The following PAK2 variants were observed in gnomAD, a reference collection of about 807,000 sequenced individuals.
PAK2 encodes p21 (RAC1) activated kinase 2.
In PAK2, 21 loss-of-function variants were observed where a neutral mutation model predicts 65.9. That is an observed-to-expected ratio of 0.32 (90% CI 0.23 to 0.46). PAK2 has a LOEUF of 0.46. Among genes scored for constraint, PAK2 ranks in the 20% least tolerant of loss-of-function variants. PAK2 has a pLI of 1.00. For missense variants in PAK2, 324 were observed against 642.6 expected (o/e 0.50, Z 5.36); for synonymous variants, 204 against 219.7 (o/e 0.93, Z 0.63).
At chr3:196,800,696 A>G (rs1465189187) in intron 2 of PAK2, among the ~76,000 whole-genome samples, 1 of 152,216 alleles carries the variant, frequency 6.6e-6, no homozygotes, top group East Asian at 1.9e-4. Context: ...TCACACGTGT[A>G]CAGACAATTG....
intron 2 of PAK2, among the ~76,000 whole-genome samples, chr3:196,797,070 A>G (rs911880439): frequency 2.0e-5 from 3 of 150,906 alleles, no homozygotes; most frequent in Non-Finnish European, 4.4e-5. Flanking sequence ...GAACGTAACT[A>G]TCAGCCAACT....
chr3:196,783,689 C>T (rs1257084409), intron 2 of PAK2, among the ~76,000 whole-genome samples: 3 of 152,102 alleles, frequency 2.0e-5, no homozygotes, highest in Admixed American at 6.6e-5. Context: ...ATCTGCTATA[C>T]CCCATCCTAA....
At chr3:196,807,291 C>T (rs1253396085) in intron 6 of PAK2, among the ~76,000 whole-genome samples, 1 of 152,140 alleles carries the variant, frequency 6.6e-6, no homozygotes, top group Non-Finnish European at 1.5e-5. Context: ...AGGAGACAGC[C>T]TCTGGATGCC....
intron 1 of PAK2, among the ~76,000 whole-genome samples, chr3:196,760,245 G>GT: frequency 6.6e-6 from 1 of 151,886 alleles, no homozygotes; most frequent in East Asian, 1.9e-4. Flanking sequence ...GTTATTTTCA[G>GT]TTTTTTGTTT....
In PAK2 at chr3:196,830,235, A is replaced by G. The variant is rs983868988; in HGVS notation, c.*1830A>G. 2 of 152,306 alleles carry G rather than the reference A, an allele frequency of 1.3e-5. No homozygotes were observed. Among genetic ancestry groups the G allele is most frequent in the African/African-American group, 4.8e-5 (2 of 41,564 alleles). The allele number at this position is 152,306 out of a possible 1,614,324, so 9.4% of individuals were successfully genotyped here. A position where few individuals can be genotyped will look rare whatever the true frequency, so the allele number is the denominator to read the frequency against. ...GGCAAGATTTTCAGAAAAATGAGTA[A>G]AATAATTAATGAAACATATTTAGAG... On this transcript the variant is annotated 3_prime_UTR_variant, in exon 15 of 15. Coordinates refer to ENST00000327134, the MANE Select transcript of PAK2 (RefSeq NM_002577.4).
chr3:196,790,904 A>T (rs1456059385), intron 2 of PAK2, among the ~76,000 whole-genome samples: 1 of 152,232 alleles, frequency 6.6e-6, no homozygotes, highest in Non-Finnish European at 1.5e-5. Flanking sequence ...CACATGAGTA[A>T]ACAAGCTCTT....
intron 1 of PAK2, among the ~76,000 whole-genome samples, chr3:196,756,055 C>CT (rs1385993187): frequency 6.6e-6 from 1 of 152,082 alleles, no homozygotes; most frequent in Non-Finnish European, 1.5e-5. Context: ...CACCCGGCCC[C>CT]TTCCAACTTT....
At position 196,831,802 on chromosome 3, in the gene PAK2, A is replaced by G. The variant is rs1156670395; in HGVS notation, c.*3397A>G. ...ATATACTGAGATCCACATCTAGTGA[A>G]ATGTCAGTGTCAAAATATTATAGAT... On this transcript the variant is annotated 3_prime_UTR_variant, in exon 15 of 15. Coordinates refer to ENST00000327134, the MANE Select transcript of PAK2 (RefSeq NM_002577.4). The G allele has an allele frequency of 6.6e-6, 1 of 152,198 alleles. No individual in the cohort carries two copies. Among genetic ancestry groups the G allele is most frequent in the African/African-American group, 2.4e-5 (1 of 41,460 alleles). 9.4% of individuals were successfully genotyped at this position (152,198 alleles called of 1,614,324 possible).
intron 1 of PAK2, among the ~76,000 whole-genome samples, chr3:196,744,727 T>A (rs1389225160): frequency 6.6e-6 from 1 of 152,200 alleles, no homozygotes; most frequent in East Asian, 1.9e-4. Context: ...TCATGACATA[T>A]AGTGGCACCT....
At chr3:196,779,575 A>G (rs1382746950) in intron 1 of PAK2, among the ~76,000 whole-genome samples, 1 of 152,222 alleles carries the variant, frequency 6.6e-6, no homozygotes, top group East Asian at 1.9e-4. Flanking sequence ...TTGAAGGTGC[A>G]TTGGCAGTTT....
intron 1 of PAK2, among the ~76,000 whole-genome samples, chr3:196,752,082 A>G (rs1713622013): frequency 6.6e-6 from 1 of 152,070 alleles, no homozygotes; most frequent in Non-Finnish European, 1.5e-5. Context: ...CTCATCCCCA[A>G]CATATCTCAT....
chr3:196,759,498 GTTTTTTTTTTTTTTTTTT>G (rs71301221), intron 1 of PAK2, among the ~76,000 whole-genome samples: 18 of 108,162 alleles, frequency 1.7e-4, no homozygotes, highest in South Asian at 1.2e-3. Context: ...GGTTTTTTTT[GTTTTTTTTTTTTTTTTTT>G]TTTTTTTTTT....
chr3:196,769,848 C>T (rs575707014), intron 1 of PAK2, among the ~76,000 whole-genome samples: 20 of 151,816 alleles, frequency 1.3e-4, no homozygotes, highest in African/African-American at 3.1e-4. Flanking sequence ...AAAGAAATTC[C>T]GCATCCATTA....
At chr3:196,792,555 A>G (rs1370379506) in intron 2 of PAK2, among the ~76,000 whole-genome samples, 1 of 152,212 alleles carries the variant, frequency 6.6e-6, no homozygotes, top group Non-Finnish European at 1.5e-5. Flanking sequence ...ACATTTGAGC[A>G]TAAATCCCTC....
chr3:196,798,402 G>T (rs1352046420), intron 2 of PAK2, among the ~76,000 whole-genome samples: 3 of 151,038 alleles, frequency 2.0e-5, no homozygotes, highest in Non-Finnish European at 4.4e-5. Flanking sequence ...GGAGTACAGT[G>T]GTGCGATCTT....
At chr3:196,812,088 C>A in intron 8 of PAK2, 131 bp from the exon 9 acceptor site, 1 of 529,236 alleles carries the variant, frequency 1.9e-6, no homozygotes. Flanking sequence ...TTTGCTTTTA[C>A]TCCTTTTAAG....
At chr3:196,743,883 A>AAAACAAAC (rs56965790) in intron 1 of PAK2, among the ~76,000 whole-genome samples, 1 of 151,982 alleles carries the variant, frequency 6.6e-6, no homozygotes, top group South Asian at 2.1e-4. Flanking sequence ...CTCCGTCTCA[A>AAAACAAAC]AAACAAACAA....
intron 1 of PAK2, among the ~76,000 whole-genome samples, chr3:196,746,534 G>A (rs1044069641): frequency 2.6e-5 from 4 of 152,196 alleles, no homozygotes; most frequent in African/African-American, 7.2e-5. Context: ...AGAATAGGCC[G>A]GGCACAGTGG....
intron 1 of PAK2, 54 bp from the exon 2 acceptor site, chr3:196,782,571 TG>T: frequency 1.3e-6 from 1 of 796,254 alleles, no homozygotes. Context: ...TACTGTTTTT[TG>T]CTTGTTCGTG....
Sources: allele counts gnomAD v4.1 joint callset (sites outside exome capture counted in the v4.1 genomes callset), GRCh38; gene constraint gnomAD v4.1.1; transcripts MANE v1.5; gene names NCBI Gene and HGNC (gene_info 2026-07-23, HGNC 2026-07-21).